Variants in AUTS2 observed in about 807,000 individuals in gnomAD.
AUTS2 encodes activator of transcription and developmental regulator AUTS2.
A neutral mutation model predicts 112.4 loss-of-function variants in AUTS2; 17 were observed. The ratio of observed to expected loss-of-function variants is 0.15; its 90% CI spans 0.10 to 0.23. The LOEUF (loss-of-function observed/expected upper bound fraction) is 0.23. AUTS2 is among the 10% of genes least tolerant of loss of function. The pLI, the probability that AUTS2 is intolerant of heterozygous loss-of-function variation, is 1.00. For missense variants in AUTS2, 1,510 were observed against 1,701.6 expected (o/e 0.89, Z 1.98); for synonymous variants, 751 against 702.7 (o/e 1.07, Z -1.09).
intron 1 of AUTS2, among the ~76,000 whole-genome samples, chr7:69,646,180 C>G (rs1795012968): frequency 6.6e-6 from 1 of 151,872 alleles, no homozygotes; most frequent in Admixed American, 6.6e-5. Flanking sequence ...CTGACTGCTA[C>G]CTGCAGTTTC....
chr7:69,800,363 G>T (rs1434196030), intron 1 of AUTS2, among the ~76,000 whole-genome samples: 2 of 152,218 alleles, frequency 1.3e-5, no homozygotes, highest in Admixed American at 6.5e-5. Flanking sequence ...AGGGGAAGCG[G>T]TTGAGCTGGT....
At chr7:69,851,183 C>G (rs749904019) in intron 1 of AUTS2, among the ~76,000 whole-genome samples, 2 of 152,204 alleles carry the variant, frequency 1.3e-5, no homozygotes, top group Non-Finnish European at 2.9e-5. Flanking sequence ...TCTAGGTTCT[C>G]TATTCTGTCC....
intron 4 of AUTS2, among the ~76,000 whole-genome samples, chr7:70,331,515 G>GA (rs915862093): frequency 2.8e-4 from 37 of 134,458 alleles, no homozygotes; most frequent in African/African-American, 1.0e-3. Flanking sequence ...TGGACTCATT[G>GA]ATTTTTTTTT....
intron 5 of AUTS2, among the ~76,000 whole-genome samples, chr7:70,678,473 C>A (rs528216659): frequency 1.3e-5 from 2 of 152,284 alleles, no homozygotes; most frequent in African/African-American, 4.8e-5. Flanking sequence ...TAACAAGAAT[C>A]ATAATAGATA....
chr7:70,194,170 G>A (rs1810048479), intron 4 of AUTS2, among the ~76,000 whole-genome samples: 1 of 152,224 alleles, frequency 6.6e-6, no homozygotes, highest in Non-Finnish European at 1.5e-5. Context: ...AGCACTTTGG[G>A]AGGTCAAGAT....
At chr7:69,985,707 A>G (rs886248274) in intron 2 of AUTS2, among the ~76,000 whole-genome samples, 3 of 150,584 alleles carry the variant, frequency 2.0e-5, no homozygotes, top group African/African-American at 7.3e-5. Flanking sequence ...TAACTCAAAC[A>G]TTAGCTCTTT....
At chr7:70,077,780 G>A (rs1238284451) in intron 2 of AUTS2, among the ~76,000 whole-genome samples, 1 of 152,100 alleles carries the variant, frequency 6.6e-6, no homozygotes, top group Non-Finnish European at 1.5e-5. Context: ...GACCAGGATT[G>A]TTTTACCCCT....
intron 5 of AUTS2, among the ~76,000 whole-genome samples, chr7:70,487,987 T>C (rs942017022): frequency 2.0e-5 from 3 of 152,112 alleles, no homozygotes; most frequent in Non-Finnish European, 4.4e-5. Context: ...AGGGAGAGCA[T>C]CCTCAGACCT....
chr7:69,733,533 G>A (rs1438588573), intron 1 of AUTS2, among the ~76,000 whole-genome samples: 1 of 152,096 alleles, frequency 6.6e-6, no homozygotes, highest in Non-Finnish European at 1.5e-5. Flanking sequence ...GTGTTCAAGG[G>A]CATACGTTGG....
rs569333694 is a variant in AUTS2, at chr7:70,691,718, C to T, written c.691-6851C>T. Among the ~76,000 whole-genome samples, 21 of 152,176 alleles carry T rather than the reference C, an allele frequency of 1.4e-4. 1 individual carries two copies. In the South Asian group the frequency reaches 4.4e-3, roughly 32 times the overall value. On this transcript the variant is annotated intron_variant, in intron 5 of 18. Transcript: ENST00000342771. ...CTGCAACCGGGCCAGCCAGGGGACC[C>T]TGGGGAGCAGCACTGGAGGTGGCCA...
intron 4 of AUTS2, among the ~76,000 whole-genome samples, chr7:70,209,155 A>T (rs1810728070): frequency 6.6e-6 from 1 of 152,198 alleles, no homozygotes. Flanking sequence ...AAGTGGTTGC[A>T]TTCGGACATA....
chr7:70,137,889 A>G (rs1418111036), intron 4 of AUTS2, among the ~76,000 whole-genome samples: 1 of 152,166 alleles, frequency 6.6e-6, no homozygotes, highest in Non-Finnish European at 1.5e-5. Context: ...TTCTTATTAT[A>G]TTCTTCTTGT....
At chr7:70,642,978 G>A (rs1028672165) in intron 5 of AUTS2, among the ~76,000 whole-genome samples, 1 of 152,176 alleles carries the variant, frequency 6.6e-6, no homozygotes, top group Non-Finnish European at 1.5e-5. Context: ...CCACCCTGAA[G>A]GGCATGTGAA....
At chr7:70,017,253 A>G (rs1800070102) in intron 2 of AUTS2, among the ~76,000 whole-genome samples, 1 of 152,326 alleles carries the variant, frequency 6.6e-6, no homozygotes, top group African/African-American at 2.4e-5. Flanking sequence ...TGATTTCCCC[A>G]TAATACATCT....
At chr7:70,712,508 A>C (rs746135238) in intron 6 of AUTS2, among the ~76,000 whole-genome samples, 4 of 152,140 alleles carry the variant, frequency 2.6e-5, no homozygotes, top group Admixed American at 2.0e-4. Flanking sequence ...GGTGGTTCTC[A>C]AAGTCTCCAT....
intron 2 of AUTS2, among the ~76,000 whole-genome samples, chr7:69,942,454 T>C (rs1172045416): frequency 6.6e-6 from 1 of 152,210 alleles, no homozygotes; most frequent in Non-Finnish European, 1.5e-5. Flanking sequence ...CTATTTTTCT[T>C]TTTAAGAAAG....
At chr7:70,501,106 T>G (rs575594174) in intron 5 of AUTS2, among the ~76,000 whole-genome samples, 58 of 152,356 alleles carry the variant, frequency 3.8e-4, no homozygotes, top group Non-Finnish European at 6.3e-4. Flanking sequence ...TTCTACTTAT[T>G]TTTATCTCAC....
At chr7:70,245,142 G>GTATATATA (rs1225794976) in intron 4 of AUTS2, among the ~76,000 whole-genome samples, 104 of 72,218 alleles carry the variant, frequency 1.4e-3, no homozygotes, top group African/African-American at 5.6e-3. Context: ...AAGTGTGTGT[G>GTATATATA]TGTATATATA....
At chr7:70,191,001 C>T (rs1455341351) in intron 4 of AUTS2, among the ~76,000 whole-genome samples, 4 of 152,028 alleles carry the variant, frequency 2.6e-5, no homozygotes, top group African/African-American at 7.2e-5. Context: ...TGAGATAAGA[C>T]AGTCTGCTGC....
Sources: allele counts gnomAD v4.1 joint callset (sites outside exome capture counted in the v4.1 genomes callset), GRCh38; gene constraint gnomAD v4.1.1; transcripts MANE v1.5; gene names NCBI Gene and HGNC (gene_info 2026-07-23, HGNC 2026-07-21).